The following HMGXB4 variants were observed in gnomAD, a reference collection of about 807,000 sequenced individuals.
HMGXB4 encodes the protein HMG domain-containing protein 4.
In HMGXB4, 27 loss-of-function variants were observed where a neutral mutation model predicts 63.9. That is an observed-to-expected ratio of 0.42 (90% CI 0.31 to 0.58). The LOEUF (loss-of-function observed/expected upper bound fraction) is 0.58, where lower values mean the gene tolerates loss of function less well. Ranked by LOEUF, HMGXB4 falls within the 20% of genes least tolerant of loss-of-function variation. HMGXB4 has a pLI of 0.13. For synonymous variants in HMGXB4, 264 were observed against 265.3 expected (o/e 0.99, Z 0.05); for missense variants, 624 against 700.7 (o/e 0.89, Z 1.24).
chr22:35,266,195 A>G (rs867341528), intron 5 of HMGXB4, among the ~76,000 whole-genome samples: 2 of 152,144 alleles, frequency 1.3e-5, no homozygotes, highest in African/African-American at 4.8e-5. Flanking sequence ...GCTAAACCCA[A>G]TTTCTTTCAC....
At chr22:35,241,596 T>A in the HMGXB4 span, among the ~76,000 whole-genome samples, 9 of 152,358 alleles carry the variant, frequency 5.9e-5, no homozygotes, top group African/African-American at 2.2e-4. Context: ...TCCCAGGGCC[T>A]CCCTGCTGCT....
At chr22:35,258,558 C>A (rs189662212) in intron 1 of HMGXB4, 1 of 152,450 alleles carries the variant, frequency 6.6e-6, no homozygotes, top group Admixed American at 6.5e-5. Flanking sequence ...CTGTCGGGAT[C>A]TCTGCAGCTT....
At chr22:35,264,078 T>C in intron 4 of HMGXB4, 4 of 1,539,438 alleles carry the variant, frequency 2.6e-6, no homozygotes, top group Non-Finnish European at 3.5e-6. Context: ...AAGAACAGTC[T>C]GCATTTGTGA....
chr22:35,279,414 C>T (rs1924111807), intron 5 of HMGXB4, among the ~76,000 whole-genome samples: 1 of 152,082 alleles, frequency 6.6e-6, no homozygotes, highest in South Asian at 2.1e-4. Flanking sequence ...GCTGGGATTA[C>T]AGGCGTGAGC....
chr22:35,292,270 A>G (rs1458659582), intron 9 of HMGXB4, among the ~76,000 whole-genome samples: 1 of 152,194 alleles, frequency 6.6e-6, no homozygotes, highest in Non-Finnish European at 1.5e-5. Flanking sequence ...GGCACAGCAT[A>G]GTAAGCAACT....
At chr22:35,283,877 T>G in intron 5 of HMGXB4, 85 bp from the exon 6 acceptor site, 1 of 953,508 alleles carries the variant, frequency 1.0e-6, no homozygotes, top group Non-Finnish European at 1.7e-6. Context: ...TTAGGTATCC[T>G]TCTATTTTAT....
At chr22:35,244,183 A>G in the HMGXB4 span, among the ~76,000 whole-genome samples, 1 of 152,044 alleles carries the variant, frequency 6.6e-6, no homozygotes, top group Non-Finnish European at 1.5e-5. Flanking sequence ...AGGACTCATG[A>G]TAGGAATGTT....
upstream of HMGXB4, among the ~76,000 whole-genome samples, chr22:35,257,131 G>GA (rs1922458066): frequency 6.6e-6 from 1 of 152,202 alleles, no homozygotes; most frequent in Non-Finnish European, 1.5e-5. Flanking sequence ...TATCTTGAAA[G>GA]AAACAGCATA....
At chr22:35,272,805 G>A (rs528343861) in intron 5 of HMGXB4, among the ~76,000 whole-genome samples, 2 of 152,242 alleles carry the variant, frequency 1.3e-5, no homozygotes, top group East Asian at 1.9e-4. Context: ...GTGGTGGCGC[G>A]TGCCTGTAAT....
chr22:35,292,821 GT>G (rs1045427089), intron 9 of HMGXB4, among the ~76,000 whole-genome samples, 170 bp from the exon 10 acceptor site: 2 of 152,222 alleles, frequency 1.3e-5, no homozygotes, highest in Non-Finnish European at 2.9e-5. Flanking sequence ...TGCTGTAAAA[GT>G]TTTCTTTCTA....
upstream of HMGXB4, among the ~76,000 whole-genome samples, chr22:35,257,265 C>A (rs1922466614): frequency 1.3e-5 from 2 of 152,330 alleles, no homozygotes; most frequent in South Asian, 4.1e-4. Context: ...TTCTCTTCTG[C>A]AAAATGCGAC....
chr22:35,270,264 C>T (rs942362073), intron 5 of HMGXB4, among the ~76,000 whole-genome samples: 2 of 152,172 alleles, frequency 1.3e-5, no homozygotes, highest in African/African-American at 4.8e-5. Context: ...GCATTAGATT[C>T]TCATAGGAGC....
At chr22:35,241,695 C>G in the HMGXB4 span, among the ~76,000 whole-genome samples, 2 of 152,218 alleles carry the variant, frequency 1.3e-5, no homozygotes, top group Non-Finnish European at 2.9e-5. Flanking sequence ...AGACCTTCAG[C>G]TTCTCCACTG....
At chr22:35,286,148 G>A (rs2145567065) in intron 7 of HMGXB4, 87 bp downstream of exon 7, 1 of 927,360 alleles carries the variant, frequency 1.1e-6, no homozygotes, top group Non-Finnish European at 1.7e-6. Flanking sequence ...CAGCCAGACA[G>A]CACTGAAAAT....
rs1487440500 is a variant in HMGXB4, at chr22:35,265,206, A to G, written c.818A>G (p.Gln273Arg). The change falls in exon 5 of 11, where the codon CAG becomes CGG. Residue 273 changes from glutamine (Q) to arginine (R), a missense_variant. Around this residue, in one of 2 missense-constraint regions of HMGXB4, gnomAD observed 472 missense variants for 470.6 expected, o/e 1.00. Coordinates refer to ENST00000216106, the MANE Select transcript of HMGXB4 (RefSeq NM_001003681.3). Reference protein sequence around the residue: ...GPEGCGSDASQFAESHSANLD... With the variant: ...GPEGCGSDASRFAESHSANLD... Reference sequence around the variant, plus strand: ...GAAGGCTGTGGGTCTGACGCCTCCCAGTTCGCAGAGTCCCACAGTGCTAAC... The same window carrying G: ...GAAGGCTGTGGGTCTGACGCCTCCCGGTTCGCAGAGTCCCACAGTGCTAAC... The G allele has an allele frequency of 6.2e-7, 1 of 1,614,160 alleles. No individual in the cohort carries two copies. The highest frequency in any genetic ancestry group is 1.6e-4 in the Middle Eastern group (1 of 6,062).
At chr22:35,277,435 G>A (rs1275853640) in intron 5 of HMGXB4, among the ~76,000 whole-genome samples, 1 of 152,128 alleles carries the variant, frequency 6.6e-6, no homozygotes, top group Non-Finnish European at 1.5e-5. Context: ...TGCAACCTCC[G>A]CCTTCCAGGT....
the HMGXB4 span, among the ~76,000 whole-genome samples, chr22:35,246,802 G>C: frequency 6.6e-6 from 1 of 152,278 alleles, no homozygotes; most frequent in East Asian, 1.9e-4. Context: ...CATTTGTTTT[G>C]TATGTAAAAT....
chr22:35,276,491 G>C (rs1923921804), intron 5 of HMGXB4, among the ~76,000 whole-genome samples: 1 of 152,194 alleles, frequency 6.6e-6, no homozygotes. Context: ...CCAAGGTATA[G>C]GTTCTTAGAG....
rs544387274 is a variant in HMGXB4, at chr22:35,260,612, A to G, written c.-68-1711A>G. On this transcript the variant is annotated intron_variant, in intron 1 of 10. Transcript: ENST00000216106. Reference sequence around the variant, plus strand: ...CTATGAAAAGGCCCTTCGAACAGGCAGTTCTCCAATTGAACTTTAAAACAA... The same window carrying G: ...CTATGAAAAGGCCCTTCGAACAGGCGGTTCTCCAATTGAACTTTAAAACAA... Among the ~76,000 whole-genome samples, 26 of 152,364 alleles carry G rather than the reference A, an allele frequency of 1.7e-4. No individual in the cohort carries two copies. In the Middle Eastern group the frequency reaches 0.024, roughly 140 times the overall value.
Sources: gnomAD v4.1 joint callset for allele counts (sites outside exome capture counted in the v4.1 genomes callset) on GRCh38, gnomAD v4.1.1 for gene constraint, gnomAD v4.1.1 regional missense constraint, MANE v1.5 for transcripts, NCBI Gene and HGNC (gene_info 2026-07-23, HGNC 2026-07-21) for gene names.